PRRG1: variants seen among roughly 807,000 people sequenced by gnomAD.
PRRG1 encodes the protein proline rich and Gla domain 1, also known as transmembrane gamma-carboxyglutamic acid protein 1.
Under a neutral mutation model 11.8 loss-of-function variants are expected in PRRG1, and 5 were observed. The ratio of observed to expected loss-of-function variants is 0.42; its 90% confidence interval spans 0.22 to 0.89. The LOEUF (loss-of-function observed/expected upper bound fraction) is 0.89. Among genes scored for constraint, PRRG1 ranks in the 40% least tolerant of loss-of-function variants. The pLI is 0.28. For missense variants in PRRG1, 155 were observed against 166.1 expected (o/e 0.93, Z 0.37); for synonymous variants, 66 against 60.4 (o/e 1.09, Z -0.43).
intron 1 of PRRG1, among the ~76,000 whole-genome samples, chrX:37,382,667 C>T (rs1931188897): frequency 9.1e-6 from 1 of 109,876 alleles, no homozygotes; most frequent in Non-Finnish European, 1.9e-5. Context: ...AGAATACAAA[C>T]TGGAATAACA....
intron 1 of PRRG1, among the ~76,000 whole-genome samples, chrX:37,378,132 A>T (rs927432692): frequency 1.8e-5 from 2 of 111,879 alleles, no homozygotes; most frequent in Non-Finnish European, 3.8e-5. Context: ...AGAATTCAAT[A>T]TTTTTTCCAG....
intron 1 of PRRG1, among the ~76,000 whole-genome samples, chrX:37,379,645 C>G (rs782223186): frequency 1.6e-4 from 18 of 111,350 alleles, no homozygotes; most frequent in Non-Finnish European, 3.0e-4. Flanking sequence ...ATACAATAAT[C>G]TGTATTCAAC....
At chrX:37,379,264 T>C (rs1424963355) in intron 1 of PRRG1, among the ~76,000 whole-genome samples, 6 of 109,047 alleles carry the variant, frequency 5.5e-5, no homozygotes, top group African/African-American at 2.0e-4. Flanking sequence ...GATGGGTTTA[T>C]TGCATTTTTA....
intron 1 of PRRG1, among the ~76,000 whole-genome samples, chrX:37,351,653 T>C (rs182066214): frequency 5.0e-4 from 56 of 112,453 alleles, no homozygotes; most frequent in African/African-American, 1.8e-3. Flanking sequence ...AAATATGTTC[T>C]CATGTATTAG....
At chrX:37,349,857 C>T (rs1395927737) in intron 1 of PRRG1, among the ~76,000 whole-genome samples, 1 of 110,839 alleles carries the variant, frequency 9.0e-6, no homozygotes, top group African/African-American at 3.3e-5. Flanking sequence ...GCTGTCGGCC[C>T]GGGCTAGTCC....
At chrX:37,386,345 T>C (rs1556375234) in intron 1 of PRRG1, among the ~76,000 whole-genome samples, 6 of 111,821 alleles carry the variant, frequency 5.4e-5, no homozygotes, top group Non-Finnish European at 1.1e-4. Flanking sequence ...TGTCATATAA[T>C]TGGCATACAT....
intron 1 of PRRG1, among the ~76,000 whole-genome samples, chrX:37,387,175 T>G (rs1931355848): frequency 8.9e-6 from 1 of 112,209 alleles, no homozygotes; most frequent in East Asian, 2.8e-4. Flanking sequence ...TCAACCAAGA[T>G]GTCAAAATAT....
At chrX:37,438,448 T>G (rs1171614387) in intron 3 of PRRG1, among the ~76,000 whole-genome samples, 2 of 103,470 alleles carry the variant, frequency 1.9e-5, no homozygotes, top group East Asian at 3.0e-4. Flanking sequence ...TTTTTTTTTT[T>G]TTTTTGAAAC....
chrX:37,379,060 G>A (rs1556373190), intron 1 of PRRG1, among the ~76,000 whole-genome samples: 2 of 43,867 alleles, frequency 4.6e-5, no homozygotes, highest in Non-Finnish European at 7.4e-5. Context: ...TTTTTTTTTA[G>A]CATGGGATTA....
chrX:37,445,982 A>C (rs1933068862), intron 3 of PRRG1, among the ~76,000 whole-genome samples: 1 of 112,575 alleles, frequency 8.9e-6, no homozygotes, highest in Non-Finnish European at 1.9e-5. Context: ...AATGTTTACC[A>C]ATCCCATTGT....
At chrX:37,356,643 T>C (rs1556366272) in intron 1 of PRRG1, among the ~76,000 whole-genome samples, 1 of 110,858 alleles carries the variant, frequency 9.0e-6, no homozygotes. Flanking sequence ...CCAGGTAGAA[T>C]TCATGGGATA....
At chrX:37,427,207 C>T (rs958416995) in intron 3 of PRRG1, among the ~76,000 whole-genome samples, 2 of 111,786 alleles carry the variant, frequency 1.8e-5, no homozygotes, top group Admixed American at 9.5e-5. Context: ...TTAAAGAAAT[C>T]GTAAGAACTT....
intron 1 of PRRG1, among the ~76,000 whole-genome samples, chrX:37,352,888 A>C (rs781916027): frequency 1.8e-5 from 2 of 111,733 alleles, no homozygotes; most frequent in Non-Finnish European, 3.8e-5. Context: ...GAGCTGAAAA[A>C]CCTGGTGACT....
At chrX:37,400,439 A>G (rs1466247358) in intron 1 of PRRG1, among the ~76,000 whole-genome samples, 3 of 111,363 alleles carry the variant, frequency 2.7e-5, no homozygotes, top group African/African-American at 6.6e-5. Flanking sequence ...ACCAACGAGA[A>G]CAAAGACACA....
intron 2 of PRRG1, among the ~76,000 whole-genome samples, chrX:37,422,067 G>A (rs981844410): frequency 1.8e-5 from 2 of 111,731 alleles, no homozygotes; most frequent in African/African-American, 3.3e-5. Context: ...GAAGCTTTGT[G>A]TCCTGCTGTA....
At chrX:37,436,266 A>G (rs1335406918) in intron 3 of PRRG1, among the ~76,000 whole-genome samples, 2 of 111,906 alleles carry the variant, frequency 1.8e-5, no homozygotes, top group African/African-American at 6.5e-5. Flanking sequence ...TCTGCCGCCA[A>G]GTTGCTGCTA....
chrX:37,425,917 C>G lies in PRRG1; in HGVS notation c.88C>G (p.Gln30Glu). The G allele has an allele frequency of 8.3e-7, 1 of 1,206,409 alleles. No individual in the cohort carries two copies. Among genetic ancestry groups the G allele is most frequent in the South Asian group, 1.8e-5 (1 of 55,885 alleles). ...TAATGGGTTTTTTGAAGAAATAAGA[C>G]AGGGCAACATTGAGCGTGAGTGCAA... The part of the protein sequence containing the change: ...RANGFFEEIR[Q>E]GNIERECKEE... The change falls in exon 3 of 4, where the codon CAG becomes GAG. Residue 30 changes from glutamine (Q) to glutamate (E), a missense_variant. Transcript: ENST00000378628.
At chrX:37,403,820 G>T in intron 1 of PRRG1, 1 of 684,652 alleles carries the variant, frequency 1.5e-6, no homozygotes, top group Non-Finnish European at 1.7e-6. Flanking sequence ...GGTGATATGG[G>T]TATTAGGCCT....
intron 2 of PRRG1, among the ~76,000 whole-genome samples, chrX:37,424,303 C>T (rs1932744638): frequency 9.0e-6 from 1 of 110,979 alleles, no homozygotes; most frequent in African/African-American, 3.3e-5. Context: ...GTAATGGGAG[C>T]AGCAGCAGCA....
Sources: allele counts gnomAD v4.1 joint callset (sites outside exome capture counted in the v4.1 genomes callset), GRCh38; gene constraint gnomAD v4.1.1; transcripts MANE v1.5; gene names NCBI Gene and HGNC (gene_info 2026-07-23, HGNC 2026-07-21).